Variants in PRKAR1B observed in about 807,000 individuals in gnomAD.
The protein encoded by PRKAR1B is cAMP-dependent protein kinase type I-beta regulatory subunit.
A neutral mutation model predicts 46.5 loss-of-function variants in PRKAR1B; 22 were observed. That is an observed-to-expected ratio of 0.47 (90% CI 0.34 to 0.68). The LOEUF (loss-of-function observed/expected upper bound fraction) is 0.68, where lower values mean the gene tolerates loss of function less well. Among genes scored for constraint, PRKAR1B ranks in the 30% least tolerant of loss-of-function variants. The pLI, the probability that PRKAR1B is intolerant of heterozygous loss-of-function variation, is 0.01. For missense variants in PRKAR1B, 445 were observed against 535.6 expected (o/e 0.83, Z 1.67); for synonymous variants, 259 against 217.7 (o/e 1.19, Z -1.67).
intron 2 of PRKAR1B, among the ~76,000 whole-genome samples, chr7:685,164 TAA>T (rs1417076790): frequency 6.8e-6 from 1 of 147,626 alleles, no homozygotes; most frequent in African/African-American, 2.5e-5. Flanking sequence ...GAAAATATCT[TAA>T]AAAGAGACAA....
intron 4 of PRKAR1B, among the ~76,000 whole-genome samples, chr7:663,563 AC>A (rs1785734521): frequency 1.3e-5 from 2 of 149,696 alleles, no homozygotes; most frequent in African/African-American, 4.9e-5. Flanking sequence ...ACTGGTCCCT[AC>A]TAGAAAAGAA....
At chr7:690,539 G>A (rs1383678961) in intron 2 of PRKAR1B, among the ~76,000 whole-genome samples, 3 of 152,140 alleles carry the variant, frequency 2.0e-5, no homozygotes, top group Admixed American at 6.5e-5. Flanking sequence ...TTGGGATCAG[G>A]GTGGAATTTC....
chr7:635,373 G>T (rs368901459), intron 4 of PRKAR1B, among the ~76,000 whole-genome samples: 1 of 152,158 alleles, frequency 6.6e-6, no homozygotes, highest in Non-Finnish European at 1.5e-5. Flanking sequence ...CTGTGGCATC[G>T]CTGCTCTGAA....
intron 1 of PRKAR1B, among the ~76,000 whole-genome samples, chr7:715,771 A>G (rs1347520642): frequency 6.6e-6 from 1 of 151,898 alleles, no homozygotes; most frequent in Non-Finnish European, 1.5e-5. Context: ...GCTGCAGTGC[A>G]GTGGCGTGAT....
At chr7:674,072 C>T (rs1786442020) in intron 4 of PRKAR1B, among the ~76,000 whole-genome samples, 1 of 152,218 alleles carries the variant, frequency 6.6e-6, no homozygotes, top group South Asian at 2.1e-4. Flanking sequence ...ACCCGCCCAC[C>T]TCGAATCTCA....
intron 4 of PRKAR1B, among the ~76,000 whole-genome samples, chr7:646,022 T>C (rs1225258238): frequency 6.6e-6 from 1 of 152,038 alleles, no homozygotes; most frequent in Non-Finnish European, 1.5e-5. Flanking sequence ...GTCACCAACA[T>C]GTTGCTCAGT....
rs12720018 is a variant in PRKAR1B at position 602,075 on chromosome 7, C to T, written c.549+4118G>A. Among the ~76,000 whole-genome samples the T allele has an allele frequency of 6.1e-3, 936 of 152,248 alleles. 5 individuals carry two copies. The highest frequency in any genetic ancestry group is 9.8e-3 in the Non-Finnish European group (668 of 68,004). On this transcript the variant is annotated intron_variant, in intron 6 of 10. Coordinates refer to ENST00000537384, the MANE Select transcript of PRKAR1B (RefSeq NM_001164760.2). The surrounding 1 kb of genome is among the most constrained non-coding windows in gnomAD (Gnocchi z 6.4). Reference sequence around the variant, plus strand: ...GGGCCTGGCGAGAAGCCAGGCAGGACGCCACGACGCGTCGTGTCTGAGAGA... The same window carrying T: ...GGGCCTGGCGAGAAGCCAGGCAGGATGCCACGACGCGTCGTGTCTGAGAGA...
intron 4 of PRKAR1B, among the ~76,000 whole-genome samples, chr7:671,493 C>T (rs1417108464): frequency 1.3e-5 from 2 of 152,166 alleles, no homozygotes; most frequent in Non-Finnish European, 2.9e-5. Flanking sequence ...GGATCTCGCT[C>T]TGTTGCCCAG....
At chr7:640,576 A>G (rs1784335521) in intron 4 of PRKAR1B, among the ~76,000 whole-genome samples, 1 of 152,160 alleles carries the variant, frequency 6.6e-6, no homozygotes, top group Non-Finnish European at 1.5e-5. Context: ...CAACCTGGCT[A>G]ACATGGTGAA....
At chr7:582,253 C>G (rs1354704935) in intron 8 of PRKAR1B, among the ~76,000 whole-genome samples, 1 of 152,254 alleles carries the variant, frequency 6.6e-6, no homozygotes, top group Non-Finnish European at 1.5e-5. Flanking sequence ...GTCTCCTGTC[C>G]TAGGGGCCGA....
chr7:630,827 G>T (rs1783693329), intron 4 of PRKAR1B, among the ~76,000 whole-genome samples: 2 of 152,140 alleles, frequency 1.3e-5, no homozygotes, highest in Non-Finnish European at 2.9e-5. Context: ...CATCTCCAGG[G>T]AGCACCATCA....
intron 6 of PRKAR1B, among the ~76,000 whole-genome samples, chr7:600,620 GC>G (rs375567187): frequency 0.062 from 9,506 of 152,326 alleles, 435 homozygotes; most frequent in East Asian, 0.19. Context: ...GTGCTCCCCA[GC>G]CCCCCAGAAA....
chr7:582,574 A>T (rs1780247818), intron 8 of PRKAR1B, among the ~76,000 whole-genome samples: 1 of 152,260 alleles, frequency 6.6e-6, no homozygotes, highest in South Asian at 2.1e-4. Flanking sequence ...GACGGAGGCC[A>T]CGCGGCCAGG....
At chr7:692,785 G>A (rs1452751638) in intron 2 of PRKAR1B, among the ~76,000 whole-genome samples, 3 of 152,172 alleles carry the variant, frequency 2.0e-5, no homozygotes, top group African/African-American at 4.8e-5. Flanking sequence ...CTCAACGCAC[G>A]TTCAGTCAGG....
chr7:617,299 CT>C (rs71016890), intron 4 of PRKAR1B, among the ~76,000 whole-genome samples: 22,165 of 132,254 alleles, frequency 0.17, 2,132 homozygotes, highest in South Asian at 0.27. Flanking sequence ...GACCAAGTGC[CT>C]TTTTTTTTTT....
At chr7:574,929 T>C (rs1057028175) in intron 9 of PRKAR1B, among the ~76,000 whole-genome samples, 1 of 152,254 alleles carries the variant, frequency 6.6e-6, no homozygotes, top group Non-Finnish European at 1.5e-5. Flanking sequence ...TTTCCACCTG[T>C]CACCGCAGTC....
At position 590,097 on chromosome 7, in the gene PRKAR1B, G is replaced by A. The variant is rs1013321465; in HGVS notation, c.709-5529C>T. ...TGGCTCCCTGGGCCCTGCCTCCCCC[G>A]GTGCCTGGAGACCAGAAGACAGAGG... On this transcript the variant is annotated intron_variant, in intron 7 of 10. Transcript: ENST00000537384. Among the ~76,000 whole-genome samples, 6 of 152,306 alleles carry A rather than the reference G, an allele frequency of 3.9e-5. No homozygotes were observed. The East Asian group carries it at 5.8e-4, about 15-fold the overall frequency.
chr7:726,253 C>T (rs917512163), intron 1 of PRKAR1B, among the ~76,000 whole-genome samples: 2 of 152,198 alleles, frequency 1.3e-5, no homozygotes, highest in Non-Finnish European at 2.9e-5. Flanking sequence ...CTGTCTTACA[C>T]CACAGGGGGA....
At chr7:556,226 C>G (rs991333150) in intron 9 of PRKAR1B, among the ~76,000 whole-genome samples, 1 of 152,138 alleles carries the variant, frequency 6.6e-6, no homozygotes, top group Non-Finnish European at 1.5e-5. Flanking sequence ...CCAAGAGTGA[C>G]TGGACACCCA....
Sources: gnomAD v4.1 joint callset for allele counts (sites outside exome capture counted in the v4.1 genomes callset) on GRCh38, gnomAD v4.1.1 for gene constraint, Gnocchi (gnomAD v3.1) non-coding constraint, MANE v1.5 for transcripts, NCBI Gene and HGNC (gene_info 2026-07-23, HGNC 2026-07-21) for gene names.